Variants in NTRK1 observed in about 807,000 individuals in gnomAD.
The protein encoded by NTRK1 is neurotrophic receptor tyrosine kinase 1.
A neutral mutation model predicts 86.8 loss-of-function variants in NTRK1; 62 were observed. The observed-to-expected ratio is 0.71, with a 90% CI of 0.58 to 0.88. The LOEUF is 0.88. Among genes scored for constraint, NTRK1 ranks in the 40% least tolerant of loss-of-function variants. NTRK1 has a pLI of 0.00. For synonymous variants in NTRK1, 469 were observed against 456.6 expected (o/e 1.03, Z -0.35); for missense variants, 967 against 1,078.4 (o/e 0.90, Z 1.45).
At chr1:156,820,635 T>G (rs927995965) in intron 1 of NTRK1, among the ~76,000 whole-genome samples, 13 of 152,366 alleles carry the variant, frequency 8.5e-5, no homozygotes, top group African/African-American at 2.6e-4. Context: ...TCTGTTCCAT[T>G]GGTCTACATG....
At chr1:156,875,917 A>G in intron 12 of NTRK1, 163 bp from the exon 13 acceptor site, 1 of 1,202,168 alleles carries the variant, frequency 8.3e-7, no homozygotes, top group Non-Finnish European at 1.2e-6. Flanking sequence ...GCCCCACACT[A>G]TGACATGGGG....
chr1:156,881,442 C>T lies in NTRK1; in HGVS notation c.2206-15C>T, dbSNP rs2102930452. 1.3e-6 allele frequency: 2 copies of T among 1,554,364 alleles called. No homozygotes were observed. Among genetic ancestry groups the T allele is most frequent in the Non-Finnish European group, 1.7e-6 (2 of 1,148,818 alleles). On this transcript the variant is annotated splice_polypyrimidine_tract_variant and intron_variant, in intron 16 of 16. Coordinates refer to ENST00000524377, the MANE Select transcript of NTRK1 (RefSeq NM_002529.4). Reference sequence around the variant, plus strand: ...GCCTAGTGGGCTTTCTCCTCTGTCTCTCCGGTGGCCCCAGGCAATCGACTG... The same window carrying T: ...GCCTAGTGGGCTTTCTCCTCTGTCTTTCCGGTGGCCCCAGGCAATCGACTG...
At chr1:156,871,569 A>G in intron 6 of NTRK1, 54 bp from the exon 7 acceptor site, 1 of 1,606,740 alleles carries the variant, frequency 6.2e-7, no homozygotes, top group Non-Finnish European at 8.5e-7. Context: ...CTTCAGCCCC[A>G]GCCCCAAGCT....
chr1:156,863,883 AAGG>A (rs1337892575), intron 1 of NTRK1, among the ~76,000 whole-genome samples: 1 of 152,154 alleles, frequency 6.6e-6, no homozygotes, highest in Non-Finnish European at 1.5e-5. Flanking sequence ...CCTGATATAA[AAGG>A]AGAACACCAA....
Position 156,854,133 on chromosome 1 carries a change from A to G in NTRK1, c.51-10221A>G. ...AGGCTCTCCAGTCCGTAGACACGGA[A>G]GAGCAGCAGGTAGTCGGTGACCTGG... On this transcript the variant is annotated intron_variant, in intron 2 of 16. Coordinates refer to the NTRK1 transcript ENST00000392302. The surrounding 1 kb of genome is among the most constrained non-coding windows in gnomAD (Gnocchi z 4.2). The G allele has an allele frequency of 2.5e-6, 4 of 1,614,168 alleles. No individual in the cohort carries two copies. Among genetic ancestry groups the G allele is most frequent in the Non-Finnish European group, 3.4e-6 (4 of 1,180,034 alleles).
At position 156,842,988 on chromosome 1, in the gene NTRK1, C is replaced by T. The variant is rs1235338300; in HGVS notation, c.50+795C>T. 3 of 1,594,218 alleles carry T rather than the reference C, an allele frequency of 1.9e-6. No individual in the cohort carries two copies. The East Asian group carries it at 6.7e-5, about 36-fold the overall frequency. On this transcript the variant is annotated intron_variant, in intron 2 of 16. Coordinates refer to the NTRK1 transcript ENST00000392302. ...CACTAATTATGACCCTGACAATGCCCTTGGCTCTCCCTTACCACATGGTGA... is the reference window on the plus strand; with the variant it reads ...CACTAATTATGACCCTGACAATGCCTTTGGCTCTCCCTTACCACATGGTGA...
chr1:156,876,699 T>C, intron 14 of NTRK1, 127 bp downstream of exon 14: 1 of 1,179,126 alleles, frequency 8.5e-7, no homozygotes, highest in Admixed American at 2.0e-5. Flanking sequence ...GGAAGGCACA[T>C]TCCCGTCCCC....
rs745808991 is a variant in NTRK1, at chr1:156,864,742, G to A, written c.302G>A (p.Ser101Asn). ...CCCCTCCCCAGCACCATCGTGAAGA[G>A]TGGTCTCCGTTTCGTGGCGCCAGAT... is the stretch of plus-strand genomic sequence containing the variant. ...GELRNLTIVK[S>N]GLRFVAPDAF... The change falls in exon 3 of 17, where the codon AGT becomes AAT. Residue 101 changes from serine (S) to asparagine (N), a missense_variant. Around this residue, in one of 2 missense-constraint regions of NTRK1, gnomAD observed 330 missense variants for 302.0 expected, o/e 1.09. Transcript: ENST00000524377. The A allele has an allele frequency of 3.1e-6, 5 of 1,614,108 alleles. No individual in the cohort carries two copies. In the Admixed American group the frequency reaches 8.3e-5, roughly 27 times the overall value.
chr1:156,842,112 C>T (rs1222103965), exon 2 of NTRK1: 3 of 1,614,014 alleles, frequency 1.9e-6, no homozygotes, highest in East Asian at 2.2e-5. Context: ...CCCTCTGTAC[C>T]CCCGATCTTG....
intron 4 of NTRK1, among the ~76,000 whole-genome samples, chr1:156,867,305 C>T (rs566311689): frequency 1.3e-5 from 2 of 152,304 alleles, no homozygotes; most frequent in East Asian, 3.9e-4. Context: ...CAGCAGGGGT[C>T]CATGTGTACC....
intron 1 of NTRK1, chr1:156,841,912 A>C: frequency 2.5e-6 from 4 of 1,574,606 alleles, no homozygotes; most frequent in Non-Finnish European, 3.5e-6. Context: ...GAACCCTGGA[A>C]AGTAGGGGCT....
rs1366524483 is a variant in NTRK1, at chr1:156,868,084, G to T, written c.429-20G>T. On this transcript the variant is annotated intron_variant, in intron 4 of 16. Transcript: ENST00000524377. ...TCAGGCCCTTTCCTTGACTCTGTTG[G>T]TGTCCCCCATGCCCCCCAGGGTCCT... 6.2e-7 allele frequency: 1 copy of T among 1,613,522 alleles called. No homozygotes were observed.
At chr1:156,832,648 G>C (rs1571646969) in intron 1 of NTRK1, among the ~76,000 whole-genome samples, 1 of 152,312 alleles carries the variant, frequency 6.6e-6, no homozygotes, top group East Asian at 1.9e-4. Context: ...GTGTGAAGGG[G>C]CAGGAGGCTC....
At chr1:156,860,826 G>A, upstream of NTRK1, 1 of 1,342,516 alleles carries the variant, frequency 7.4e-7, no homozygotes, top group South Asian at 1.9e-5. Context: ...CCCTTTCCTG[G>A]CGGCTGGGTC....
chr1:156,868,554 GGAC>G lies in NTRK1; in HGVS notation c.629_631del (p.Asp210del). 6.4e-7 allele frequency: 1 copy of G among 1,557,424 alleles called. No homozygotes were observed. ...TGCCCAATGCCTCGGTGGATGTGGGGGACGACGTGCTGCTGCGGTGCCAGGTGG... is the reference window on the plus strand; with the variant it reads ...TGCCCAATGCCTCGGTGGATGTGGGGGACGTGCTGCTGCGGTGCCAGGTGG... On this transcript the variant is annotated inframe_deletion, in exon 6 of 17. Transcript: ENST00000524377.
At chr1:156,844,534 T>C (rs1654917892) in intron 2 of NTRK1, 1 of 1,614,176 alleles carries the variant, frequency 6.2e-7, no homozygotes, top group Non-Finnish European at 8.5e-7. Flanking sequence ...GCCCTAACCC[T>C]GGCAGAGTAG....
intron 8 of NTRK1, 68 bp downstream of exon 8, chr1:156,874,027 T>C (rs2102906887): frequency 6.8e-7 from 1 of 1,476,248 alleles, no homozygotes; most frequent in Non-Finnish European, 9.3e-7. Context: ...AACTTCCTGC[T>C]ATAGCCCTGA....
At chr1:156,835,655 A>G (rs371248908) in intron 1 of NTRK1, among the ~76,000 whole-genome samples, 13 of 152,342 alleles carry the variant, frequency 8.5e-5, no homozygotes, top group Admixed American at 5.9e-4. Flanking sequence ...TTTTCACTCC[A>G]TAGTTCATCC....
rs781541297 is a variant in NTRK1, at chr1:156,853,842, C to T, written c.51-10512C>T. ...CAGGGCTCACCAGCAGCACCCAGCA[C>T]ACCAGGGCACACGTCAGCACACTCC... is the stretch of plus-strand genomic sequence containing the variant. On this transcript the variant is annotated intron_variant, in intron 2 of 16. Coordinates refer to the NTRK1 transcript ENST00000392302. 3.1e-6 allele frequency: 5 copies of T among 1,613,876 alleles called. No individual in the cohort carries two copies. In the Admixed American group the frequency reaches 5.0e-5, roughly 16 times the overall value.
Sources: allele counts gnomAD v4.1 joint callset (sites outside exome capture counted in the v4.1 genomes callset), GRCh38; gene constraint gnomAD v4.1.1; regional missense constraint gnomAD v4.1.1; non-coding constraint Gnocchi (gnomAD v3.1); transcripts MANE v1.5; gene names NCBI Gene and HGNC (gene_info 2026-07-23, HGNC 2026-07-21).